SIK2: variants seen among roughly 807,000 people sequenced by gnomAD.
SIK2 encodes the protein salt inducible kinase 2.
A neutral mutation model predicts 103.2 loss-of-function variants in SIK2; 29 were observed. The ratio of observed to expected loss-of-function variants is 0.28; its 90% CI spans 0.21 to 0.38. The LOEUF (loss-of-function observed/expected upper bound fraction) is 0.38. SIK2 is among the 10% of genes least tolerant of loss of function. The pLI is 1.00. For missense variants in SIK2, 879 were observed against 1,171.0 expected, an observed-to-expected ratio of 0.75 and a Z score of 3.64; for synonymous variants, 412 against 446.1, an observed-to-expected ratio of 0.92 and a Z score of 0.96.
At chr11:111,638,986 A>G (rs1345760264) in intron 3 of SIK2, among the ~76,000 whole-genome samples, 2 of 152,128 alleles carry the variant, frequency 1.3e-5, no homozygotes, top group Non-Finnish European at 2.9e-5. Flanking sequence ...GGCAGCAGTT[A>G]AGTTACTTAT....
At chr11:111,614,210 TCA>T (rs1941771681) in intron 1 of SIK2, among the ~76,000 whole-genome samples, 2 of 151,686 alleles carry the variant, frequency 1.3e-5, no homozygotes, top group Non-Finnish European at 2.9e-5. Context: ...GTCTCCCAGG[TCA>T]ACCTGGGATT....
At chr11:111,712,641 CT>C (rs1453937168) in intron 9 of SIK2, among the ~76,000 whole-genome samples, 1 of 152,162 alleles carries the variant, frequency 6.6e-6, no homozygotes, top group Admixed American at 6.5e-5. Context: ...TCACTAATTC[CT>C]TCTCTCTTCA....
intron 8 of SIK2, among the ~76,000 whole-genome samples, chr11:111,706,959 CAAAAAAAA>C (rs763828886): frequency 5.8e-5 from 3 of 52,082 alleles, no homozygotes; most frequent in Admixed American, 2.0e-4. Flanking sequence ...GACTCCGTCT[CAAAAAAAA>C]AAAAAAAAAA....
intron 4 of SIK2, among the ~76,000 whole-genome samples, chr11:111,693,540 A>G (rs144578186): frequency 9.8e-4 from 149 of 152,352 alleles, no homozygotes; most frequent in African/African-American, 3.4e-3. Flanking sequence ...CTGTTCAGGC[A>G]TTAAGTTGAG....
intron 12 of SIK2, 67 bp from the exon 13 acceptor site, chr11:111,721,763 C>T (rs1054756474): frequency 4.0e-6 from 5 of 1,251,938 alleles, no homozygotes; most frequent in Middle Eastern, 1.9e-4. Flanking sequence ...AAAGGTGCTT[C>T]AGCTAAGAAC....
intron 4 of SIK2, among the ~76,000 whole-genome samples, chr11:111,689,121 G>C (rs371184656): frequency 1.3e-5 from 2 of 152,252 alleles, no homozygotes; most frequent in South Asian, 4.2e-4. Flanking sequence ...TTGGAATGTT[G>C]GGGAACTGTA....
chr11:111,721,369 A>C (rs772962090), intron 12 of SIK2, among the ~76,000 whole-genome samples: 7 of 152,156 alleles, frequency 4.6e-5, no homozygotes, highest in Non-Finnish European at 8.8e-5. Context: ...CTCCTGCCAC[A>C]CACACACCCA....
At chr11:111,702,757 A>G (rs1257175669) in intron 6 of SIK2, among the ~76,000 whole-genome samples, 2 of 152,192 alleles carry the variant, frequency 1.3e-5, no homozygotes, top group African/African-American at 2.4e-5. Context: ...TTTTATGTAC[A>G]CTTTTCTCAG....
At chr11:111,675,676 T>G (rs1942693984) in intron 3 of SIK2, among the ~76,000 whole-genome samples, 1 of 152,222 alleles carries the variant, frequency 6.6e-6, no homozygotes, top group Non-Finnish European at 1.5e-5. Flanking sequence ...TTGAAAAAGC[T>G]TCATTGAAAA....
intron 8 of SIK2, among the ~76,000 whole-genome samples, chr11:111,709,236 T>G (rs995075906): frequency 1.3e-5 from 2 of 152,180 alleles, no homozygotes; most frequent in Non-Finnish European, 2.9e-5. Flanking sequence ...GAGAAAGATC[T>G]CTGGTGTCTC....
intron 3 of SIK2, among the ~76,000 whole-genome samples, chr11:111,646,306 A>C (rs1652134128): frequency 6.6e-6 from 1 of 152,016 alleles, no homozygotes; most frequent in Non-Finnish European, 1.5e-5. Flanking sequence ...AAAATTAGCT[A>C]GGTGTGGTGG....
rs374098137 is a variant in SIK2 at position 111,620,368 on chromosome 11, T to C, written c.282T>C (p.Leu94=). The change falls in exon 3 of 15, where the codon CTT becomes CTC. Residue 94 remains leucine (L), a synonymous_variant. Coordinates refer to ENST00000304987, the MANE Select transcript of SIK2 (RefSeq NM_015191.3). ...TGGAGACCAAAAGTATGTTGTACCT[T>C]GTGACAGAATATGCCAAAAATGGAG... ...QVMETKSMLY[L]VTEYAKNGEI... The C allele has an allele frequency of 6.3e-7, 1 of 1,593,112 alleles. No individual in the cohort carries two copies. The highest frequency in any genetic ancestry group is 1.4e-5 in the African/African-American group (1 of 74,018).
intron 2 of SIK2, among the ~76,000 whole-genome samples, chr11:111,618,746 T>A (rs1379061985): frequency 6.6e-6 from 1 of 152,174 alleles, no homozygotes; most frequent in African/African-American, 2.4e-5. Flanking sequence ...AATTTTTTTT[T>A]AAAAGAAAAC....
At chr11:111,618,660 A>G (rs1453859897) in intron 2 of SIK2, among the ~76,000 whole-genome samples, 1 of 152,206 alleles carries the variant, frequency 6.6e-6, no homozygotes, top group African/African-American at 2.4e-5. Context: ...GATAACACAG[A>G]GATCCCATCT....
chr11:111,619,286 C>T (rs1167008518), intron 2 of SIK2, among the ~76,000 whole-genome samples: 1 of 152,158 alleles, frequency 6.6e-6, no homozygotes, highest in East Asian at 1.9e-4. Flanking sequence ...AATTAATTTT[C>T]TTCCTTTCAG....
chr11:111,727,115 C>T lies in SIK2; in HGVS notation c.*2986C>T, dbSNP rs781577952. ...AAGAGGGGGCCCACTTTCACATTCC[C>T]GGTGACACTGACCGTCCCCAGCTGC... On this transcript the variant is annotated 3_prime_UTR_variant, in exon 15 of 15. Coordinates refer to ENST00000304987, the MANE Select transcript of SIK2 (RefSeq NM_015191.3). 2.5e-4 allele frequency: 366 copies of T among 1,476,750 alleles called. No individual in the cohort carries two copies. Among genetic ancestry groups the T allele is most frequent in the East Asian group, 6.1e-4 (27 of 44,068 alleles). The allele number at this position is 1,476,750 out of a possible 1,614,324, so 91.5% of individuals were successfully genotyped here.
intron 3 of SIK2, among the ~76,000 whole-genome samples, chr11:111,625,124 T>TGTA (rs1565315322): frequency 6.6e-6 from 1 of 152,080 alleles, no homozygotes; most frequent in African/African-American, 2.4e-5. Flanking sequence ...GGGGGCATTG[T>TGTA]GTAGGCCATT....
At position 111,714,446 on chromosome 11, in the gene SIK2, A is replaced by G. The variant is rs140567057; in HGVS notation, c.1266+2071A>G. Among the ~76,000 whole-genome samples the G allele has an allele frequency of 1.1e-3, 162 of 152,358 alleles. 3 individuals are homozygous for G. In the East Asian group the frequency reaches 0.024, roughly 23 times the overall value. ...CTCTGGGATCCATGTTGCACATCAG[A>G]AAGTTAGCCTGCATATCACTGTGTG... On this transcript the variant is annotated intron_variant, in intron 9 of 14. Coordinates refer to ENST00000304987, the MANE Select transcript of SIK2 (RefSeq NM_015191.3).
chr11:111,712,376 G>C lies in SIK2; in HGVS notation c.1266+1G>C. ...AGAAGAGTGTGTGGACACTCCAAAG[G>C]TACGGCTATGTTTGAGAGTCTCAGA... is the stretch of plus-strand genomic sequence containing the variant. On this transcript the variant is annotated splice_donor_variant, in intron 9 of 14. Transcript: ENST00000304987. LOFTEE classifies it high-confidence loss of function. 1 of 1,612,680 alleles carries C rather than the reference G, an allele frequency of 6.2e-7. No individual in the cohort carries two copies. Among genetic ancestry groups the C allele is most frequent in the Non-Finnish European group, 8.5e-7 (1 of 1,179,138 alleles).
Sources: allele counts gnomAD v4.1 joint callset (sites outside exome capture counted in the v4.1 genomes callset), GRCh38; gene constraint gnomAD v4.1.1; transcripts MANE v1.5; gene names NCBI Gene and HGNC (gene_info 2026-07-23, HGNC 2026-07-21).